TACR1: variants seen among roughly 807,000 people sequenced by gnomAD.
TACR1 encodes the protein substance-P receptor.
Under a neutral mutation model 35.8 loss-of-function variants are expected in TACR1, and 25 were observed. The observed-to-expected ratio is 0.70, with a 90% CI of 0.51 to 0.98. The LOEUF is 0.98. Among genes scored for constraint, TACR1 ranks in the 50% least tolerant of loss-of-function variants. The pLI, the probability that TACR1 is intolerant of heterozygous loss-of-function variation, is 0.00. For missense variants in TACR1, 478 were observed against 522.9 expected (o/e 0.91, Z 0.84); for synonymous variants, 195 against 206.7 (o/e 0.94, Z 0.48).
intron 1 of TACR1, among the ~76,000 whole-genome samples, chr2:75,186,278 A>G (rs556515336): frequency 6.7e-6 from 1 of 150,332 alleles, no homozygotes; most frequent in Admixed American, 6.7e-5. Context: ...AGGCTGAGGC[A>G]GGAGAAATGC....
intron 2 of TACR1, among the ~76,000 whole-genome samples, chr2:75,062,318 A>G (rs201458911): frequency 1.7e-5 from 2 of 117,592 alleles, no homozygotes; most frequent in South Asian, 3.5e-4. Flanking sequence ...TTTTCTAATT[A>G]TATCACCTAG....
chr2:75,108,160 CAA>C (rs897513969), intron 2 of TACR1, among the ~76,000 whole-genome samples: 7 of 151,964 alleles, frequency 4.6e-5, no homozygotes, highest in African/African-American at 1.7e-4. Context: ...TTTTGGAAAA[CAA>C]AGACAGTTTT....
intron 1 of TACR1, among the ~76,000 whole-genome samples, chr2:75,195,048 G>C (rs1395877476): frequency 6.6e-6 from 1 of 152,066 alleles, no homozygotes; most frequent in African/African-American, 2.4e-5. Context: ...AGGGGAACGG[G>C]GCTGTTGAGG....
intron 2 of TACR1, among the ~76,000 whole-genome samples, chr2:75,082,901 T>C (rs986311078): frequency 2.8e-4 from 43 of 152,212 alleles, no homozygotes; most frequent in Non-Finnish European, 1.2e-4. Context: ...TGGTAGTTTC[T>C]TTTGCTGTGC....
At chr2:75,195,597 G>T (rs149354106) in intron 1 of TACR1, among the ~76,000 whole-genome samples, 7 of 152,278 alleles carry the variant, frequency 4.6e-5, no homozygotes, top group African/African-American at 1.7e-4. Context: ...TTTAAAATGA[G>T]AAGATATAGC....
At chr2:75,193,286 C>T (rs1195497569) in intron 1 of TACR1, among the ~76,000 whole-genome samples, 1 of 152,182 alleles carries the variant, frequency 6.6e-6, no homozygotes, top group African/African-American at 2.4e-5. Flanking sequence ...CAGAATATGG[C>T]ACACAGTAAG....
At chr2:75,148,889 A>G (rs925692138) in intron 1 of TACR1, among the ~76,000 whole-genome samples, 1 of 152,014 alleles carries the variant, frequency 6.6e-6, no homozygotes, top group Admixed American at 6.6e-5. Flanking sequence ...ATCTTGAGTT[A>G]TTTTTTGTAT....
At chr2:75,193,201 G>A (rs1314916147) in intron 1 of TACR1, among the ~76,000 whole-genome samples, 1 of 152,112 alleles carries the variant, frequency 6.6e-6, no homozygotes, top group African/African-American at 2.4e-5. Flanking sequence ...TGATTGCATT[G>A]GGTTATATGC....
chr2:75,165,470 A>G (rs1159398434), intron 1 of TACR1, among the ~76,000 whole-genome samples: 1 of 151,904 alleles, frequency 6.6e-6, no homozygotes, highest in Admixed American at 6.6e-5. Context: ...CACCATGCCC[A>G]GCTAATTTTT....
chr2:75,116,839 G>A (rs567902297), intron 2 of TACR1, among the ~76,000 whole-genome samples: 46 of 152,114 alleles, frequency 3.0e-4, no homozygotes, highest in Non-Finnish European at 5.9e-4. Context: ...GAACCCAGGA[G>A]GCGGAGGTTG....
Position 75,115,323 on chromosome 2 carries a change from T to C in TACR1, c.584+5251A>G, listed in dbSNP as rs149287089. ...TTCCCCCATCAGATGGGTAAAAATC[T>C]AAAAGCTTGATGATATACTTTGCTG... On this transcript the variant is annotated intron_variant, in intron 2 of 4. Coordinates refer to ENST00000305249, the MANE Select transcript of TACR1 (RefSeq NM_001058.4). Among the ~76,000 whole-genome samples, 215 of 152,254 alleles carry C rather than the reference T, an allele frequency of 1.4e-3. 1 individual carries two copies. The highest frequency in any genetic ancestry group is 2.7e-3 in the Non-Finnish European group (182 of 68,006).
intron 2 of TACR1, among the ~76,000 whole-genome samples, chr2:75,094,859 A>ATATATATTTTT: frequency 8.8e-6 from 1 of 113,132 alleles, no homozygotes; most frequent in African/African-American, 4.8e-5. Context: ...ATATATATAT[A>ATATATATTTTT]TTTTTTTTTT....
In TACR1 at chr2:75,067,924, G is replaced by T. The variant is rs117802468; in HGVS notation, c.585-14169C>A. Among the ~76,000 whole-genome samples the T allele has an allele frequency of 3.0e-3, 461 of 152,280 alleles. 20 individuals are homozygous for T. In the East Asian group the frequency reaches 0.074, roughly 25 times the overall value. On this transcript the variant is annotated intron_variant, in intron 2 of 4. Coordinates refer to ENST00000305249, the MANE Select transcript of TACR1 (RefSeq NM_001058.4). ...AAGTGCCAAGTAAAGTCACTGAAGG[G>T]GTTAGGCAGGGTGGGATATGATCTG...
intron 2 of TACR1, among the ~76,000 whole-genome samples, chr2:75,106,273 A>G (rs1283943395): frequency 6.6e-6 from 1 of 152,018 alleles, no homozygotes; most frequent in African/African-American, 2.4e-5. Context: ...AGAGAGGGGC[A>G]TTGTTTTGCA....
At chr2:75,083,276 T>C (rs1231563741) in intron 2 of TACR1, among the ~76,000 whole-genome samples, 5 of 152,212 alleles carry the variant, frequency 3.3e-5, no homozygotes, top group African/African-American at 9.7e-5. Context: ...TTCTGTTCCA[T>C]TGATCTATAT....
At chr2:75,186,616 G>T (rs763842911) in intron 1 of TACR1, among the ~76,000 whole-genome samples, 1 of 150,974 alleles carries the variant, frequency 6.6e-6, no homozygotes, top group Non-Finnish European at 1.5e-5. Flanking sequence ...AGTTGTGCAG[G>T]TAATATTCAA....
rs536727026 is a variant in TACR1 at position 75,094,333 on chromosome 2, G to A, written c.584+26241C>T. 5.3e-5 allele frequency among the ~76,000 whole-genome samples: 8 copies of A among 152,304 alleles called. No individual in the cohort carries two copies. In the South Asian group the frequency reaches 1.7e-3, roughly 32 times the overall value. Reference sequence around the variant, plus strand: ...AGGCTATGGAATTTCGTCGGGTAAAGTATTAAGAAAATAGAACCAAAGCTT... The same window carrying A: ...AGGCTATGGAATTTCGTCGGGTAAAATATTAAGAAAATAGAACCAAAGCTT... On this transcript the variant is annotated intron_variant, in intron 2 of 4. Transcript: ENST00000305249.
At chr2:75,072,540 C>A (rs1403044192) in intron 2 of TACR1, among the ~76,000 whole-genome samples, 1 of 152,264 alleles carries the variant, frequency 6.6e-6, no homozygotes. Context: ...CTAAGCCTAA[C>A]CCAAACTGGG....
chr2:75,139,361 T>C (rs971080551), intron 1 of TACR1, among the ~76,000 whole-genome samples: 4 of 152,218 alleles, frequency 2.6e-5, no homozygotes, highest in Non-Finnish European at 4.4e-5. Flanking sequence ...CCTCTCAGGC[T>C]AGGATCAGAG....
Sources: gnomAD v4.1 joint callset for allele counts (sites outside exome capture counted in the v4.1 genomes callset) on GRCh38, gnomAD v4.1.1 for gene constraint, MANE v1.5 for transcripts, NCBI Gene and HGNC (gene_info 2026-07-23, HGNC 2026-07-21) for gene names.